The following NUP210 variants were observed in gnomAD, a reference collection of about 807,000 sequenced individuals.
The protein encoded by NUP210 is nuclear pore membrane glycoprotein 210.
NUP210 carries 151 observed loss-of-function variants against 196.0 expected under a neutral mutation model. That is an observed-to-expected ratio of 0.77 (90% CI 0.67 to 0.88). The LOEUF (loss-of-function observed/expected upper bound fraction) is 0.88. Among genes scored for constraint, NUP210 ranks in the 40% least tolerant of loss-of-function variants. The pLI is 0.00. For missense variants in NUP210, 2,314 were observed against 2,493.7 expected (o/e 0.93, Z 1.53); for synonymous variants, 1,070 against 1,052.7 (o/e 1.02, Z -0.32).
chr3:13,341,524 G>A (rs933079542), intron 23 of NUP210, among the ~76,000 whole-genome samples: 3 of 152,312 alleles, frequency 2.0e-5, no homozygotes, highest in East Asian at 3.9e-4. Flanking sequence ...AGTCACAGAG[G>A]AAAGGTCAAG....
intron 20 of NUP210, among the ~76,000 whole-genome samples, chr3:13,346,851 G>A (rs1452353765): frequency 6.6e-6 from 1 of 152,318 alleles, no homozygotes; most frequent in South Asian, 2.1e-4. Context: ...CCGCCCTCAA[G>A]GCAAGCAGGG....
Position 13,343,284 on chromosome 3 carries a change from C to G in NUP210, c.2855G>C (p.Gly952Ala). The change falls in exon 21 of 40, where the codon GGC (glycine) becomes GCC (alanine). Residue 952 changes from glycine to alanine, a missense_variant. Transcript: ENST00000254508. Reference protein sequence around the residue: ...GVAMVHPLLPGSSTIMIHDLC... With the variant: ...GVAMVHPLLPASSTIMIHDLC... ...GTCATGGATCATGATGGTGGATGAG[C>G]CCGGGAGCAAAGGGTGCACCTGCAA... 6.2e-7 allele frequency: 1 copy of G among 1,609,852 alleles called. No homozygotes were observed.
intron 2 of NUP210, among the ~76,000 whole-genome samples, chr3:13,398,369 G>C (rs1369779507): frequency 1.3e-5 from 2 of 152,054 alleles, no homozygotes; most frequent in African/African-American, 4.8e-5. Context: ...CTTAAACCCG[G>C]GAGGCAAAGG....
intron 39 of NUP210, 47 bp from the exon 40 acceptor site, chr3:13,317,828 G>A (rs377593619): frequency 2.8e-5 from 37 of 1,344,876 alleles, no homozygotes; most frequent in African/African-American, 2.6e-4. Flanking sequence ...CAGGGAAAGC[G>A]GCGCACTCTT....
In NUP210 at chr3:13,397,404, A is replaced by AGTCCTCCG; in HGVS notation, c.388_389insCGGAGGAC (p.Leu130ProfsTer11). On this transcript the variant is annotated frameshift_variant, in exon 3 of 40. Transcript: ENST00000254508. LOFTEE classifies it high-confidence loss of function. ...CTTCAGCTCCAGGGGGGAGTCCTCC[A>AGTCCTCCG]GGTAGAGCTCGCGGGTGGTGGAGAC... 6.2e-7 allele frequency: 1 copy of AGTCCTCCG among 1,612,898 alleles called. No homozygotes were observed. Among genetic ancestry groups the AGTCCTCCG allele is most frequent in the African/African-American group, 1.3e-5 (1 of 74,968 alleles).
rs140505284 is a variant in NUP210 at position 13,341,650 on chromosome 3, T to C, written c.3228+98A>G. Reference sequence around the variant, plus strand: ...ACATTGTGGGACACAGATTTTTATATGGCTTCTCTACAGTAGCTTCCTGGA... The same window carrying C: ...ACATTGTGGGACACAGATTTTTATACGGCTTCTCTACAGTAGCTTCCTGGA... On this transcript the variant is annotated intron_variant, in intron 23 of 39. Coordinates refer to ENST00000254508, the MANE Select transcript of NUP210 (RefSeq NM_024923.4). The C allele has an allele frequency of 2.5e-3, 3,375 of 1,370,262 alleles. 61 individuals are homozygous for C. The African/African-American group carries it at 0.037, about 15-fold the overall frequency. The allele number at this position is 1,370,262 out of a possible 1,614,324, so 84.9% of individuals were successfully genotyped here. A position where few individuals can be genotyped will look rare whatever the true frequency, so the allele number is the denominator to read the frequency against.
At chr3:13,337,303 G>A (rs1697255347) in intron 26 of NUP210, among the ~76,000 whole-genome samples, 1 of 152,166 alleles carries the variant, frequency 6.6e-6, no homozygotes, top group Admixed American at 6.5e-5. Flanking sequence ...TGTGGGTGGG[G>A]TCCCTGGCTC....
intron 1 of NUP210, among the ~76,000 whole-genome samples, chr3:13,412,231 C>CTTTTTCT (rs1553605361): frequency 1.9e-5 from 2 of 104,790 alleles, no homozygotes; most frequent in African/African-American, 1.0e-4. Context: ...TTTTCCTTTT[C>CTTTTTCT]TTTTTTTTTT....
At chr3:13,375,684 T>C (rs1199384817) in intron 10 of NUP210, 43 bp from the exon 11 acceptor site, 5 of 1,591,696 alleles carry the variant, frequency 3.1e-6, no homozygotes, top group African/African-American at 1.3e-5. Flanking sequence ...GACAACCATG[T>C]CATCATCAGT....
Position 13,358,231 on chromosome 3 carries a change from G to C in NUP210, c.2319C>G (p.Asn773Lys). The change falls in exon 16 of 40, where the codon AAC becomes AAG. Residue 773 changes from asparagine (N) to lysine (K), a missense_variant. By Grantham distance (94) the Asn-to-Lys change is moderately conservative. Coordinates refer to ENST00000254508, the MANE Select transcript of NUP210 (RefSeq NM_024923.4). ...CATAGCCCACACTCACCACCTGCTT[G>C]TTCTGCTGCAGCAGCGGACAGGACA... ...LDMSCPLLQQ[N>K]KQVVPVSSHR... 1.2e-6 allele frequency: 2 copies of C among 1,607,366 alleles called. No homozygotes were observed. The highest frequency in any genetic ancestry group is 1.7e-6 in the Non-Finnish European group (2 of 1,175,674).
rs366340 is a variant in NUP210 at position 13,351,945 on chromosome 3, G to T, written c.2769C>A (p.Phe923Leu). Residue 923 changes from phenylalanine to leucine, a missense_variant, in exon 20 of 40, where the codon TTC (phenylalanine) becomes TTA (leucine). Phe to Leu is a conservative substitution (Grantham distance 22). Coordinates refer to ENST00000254508, the MANE Select transcript of NUP210 (RefSeq NM_024923.4). ...ELRIREGSGY[F>L]FLNTSTADVV... ...CATCTGCGGTGCTGGTGTTGAGGAAGAAGTAACCTGAGCCTTCCCTGATGC... is the reference window on the plus strand; with the variant it reads ...CATCTGCGGTGCTGGTGTTGAGGAATAAGTAACCTGAGCCTTCCCTGATGC... The T allele has an allele frequency of 1.9e-6, 3 of 1,613,182 alleles. No homozygotes were observed. Among genetic ancestry groups the T allele is most frequent in the Admixed American group, 3.3e-5 (2 of 59,968 alleles).
intron 26 of NUP210, 138 bp from the exon 27 acceptor site, chr3:13,337,056 G>A (rs538241677): frequency 1.8e-6 from 2 of 1,088,202 alleles, no homozygotes; most frequent in Admixed American, 2.1e-5. Flanking sequence ...CACAGGTTTG[G>A]GAATTTTGAT....
At chr3:13,400,082 C>T (rs565725704) in intron 1 of NUP210, among the ~76,000 whole-genome samples, 2 of 152,178 alleles carry the variant, frequency 1.3e-5, no homozygotes, top group Non-Finnish European at 2.9e-5. Flanking sequence ...CAGGCCTGTG[C>T]ACACAGTTCC....
At chr3:13,395,792 G>A (rs1244112989) in intron 3 of NUP210, among the ~76,000 whole-genome samples, 1 of 152,230 alleles carries the variant, frequency 6.6e-6, no homozygotes, top group African/African-American at 2.4e-5. Flanking sequence ...TTGGGCAGGA[G>A]TGGAATTGCC....
chr3:13,318,653 G>GAA (rs951746820), intron 39 of NUP210, among the ~76,000 whole-genome samples: 63 of 152,346 alleles, frequency 4.1e-4, no homozygotes, highest in African/African-American at 1.4e-3. Flanking sequence ...GGTCACCAGA[G>GAA]AGACAGTTAG....
At chr3:13,373,939 C>A (rs763731745) in intron 11 of NUP210, 66 bp from the exon 12 acceptor site, 1 of 1,573,046 alleles carries the variant, frequency 6.4e-7, no homozygotes, top group Non-Finnish European at 8.7e-7. Flanking sequence ...GTCAGAGGGT[C>A]AGAGACACGT....
chr3:13,380,085 G>A (rs975098457), intron 6 of NUP210, among the ~76,000 whole-genome samples: 4 of 152,092 alleles, frequency 2.6e-5, no homozygotes, highest in African/African-American at 4.8e-5. Flanking sequence ...TGCTGGTTCC[G>A]TCCAGCCTCT....
chr3:13,323,745 CCATGA>C lies in NUP210; in HGVS notation c.4645-318_4645-314del, dbSNP rs1474129661. Among the ~76,000 whole-genome samples, 1 of 152,166 alleles carries C rather than the reference CCATGA, an allele frequency of 6.6e-6. No individual in the cohort carries two copies. Among genetic ancestry groups the C allele is most frequent in the African/African-American group, 2.4e-5 (1 of 41,422 alleles). On this transcript the variant is annotated intron_variant, in intron 33 of 39. Coordinates refer to ENST00000254508, the MANE Select transcript of NUP210 (RefSeq NM_024923.4). This position sits in a 1 kb window ranked among gnomAD's most constrained non-coding sequence, Gnocchi z 4.3. ...CTGAGGATTTTGGCTGTTCGGACAG[CCATGA>C]TCACTTCTCTGTAGTACAGCACCAC...
At chr3:13,334,799 C>T (rs1697140962) in intron 28 of NUP210, among the ~76,000 whole-genome samples, 1 of 152,196 alleles carries the variant, frequency 6.6e-6, no homozygotes, top group African/African-American at 2.4e-5. Context: ...AGGCTGGATA[C>T]AGACACAGGG....
Sources: gnomAD v4.1 joint callset for allele counts (sites outside exome capture counted in the v4.1 genomes callset) on GRCh38, gnomAD v4.1.1 for gene constraint, Gnocchi (gnomAD v3.1) non-coding constraint, MANE v1.5 for transcripts, NCBI Gene and HGNC (gene_info 2026-07-23, HGNC 2026-07-21) for gene names.